OR9Q1: variants seen among roughly 807,000 people sequenced by gnomAD.
The protein encoded by OR9Q1 is olfactory receptor family 9 subfamily Q member 1, also known as olfactory receptor 9Q1.
For synonymous variants in OR9Q1, 153 were observed against 148.6 expected, an observed-to-expected ratio of 1.03 and a Z score of -0.22; for missense variants, 374 against 378.8, an observed-to-expected ratio of 0.99 and a Z score of 0.11.
chr11:58,060,568 T>A (rs1040529782), intron 2 of OR9Q1, among the ~76,000 whole-genome samples: 2 of 152,112 alleles, frequency 1.3e-5, no homozygotes, highest in African/African-American at 4.8e-5. Flanking sequence ...GGTGCCCATA[T>A]GATGTATTAA....
At chr11:58,141,230 C>G (rs1256514589) in intron 2 of OR9Q1, among the ~76,000 whole-genome samples, 1 of 152,084 alleles carries the variant, frequency 6.6e-6, no homozygotes, top group Non-Finnish European at 1.5e-5. Context: ...TGCCTAATTG[C>G]CCTGGCCAGA....
intron 2 of OR9Q1, among the ~76,000 whole-genome samples, chr11:58,072,198 A>T (rs1853494404): frequency 6.6e-6 from 1 of 152,222 alleles, no homozygotes; most frequent in South Asian, 2.1e-4. Context: ...CAACAAAAAC[A>T]TCTATAAAAC....
chr11:58,054,652 G>A (rs1739447944), intron 1 of OR9Q1, among the ~76,000 whole-genome samples: 1 of 152,196 alleles, frequency 6.6e-6, no homozygotes. Context: ...CATGCGTTGA[G>A]GCCAGGTGTG....
At chr11:58,089,051 T>A (rs977715476) in intron 2 of OR9Q1, among the ~76,000 whole-genome samples, 6 of 151,660 alleles carry the variant, frequency 4.0e-5, no homozygotes, top group Non-Finnish European at 8.8e-5. Flanking sequence ...TAATTTTTTT[T>A]ATTTTTAGTA....
In OR9Q1 at chr11:58,180,053, C is replaced by A. The variant is rs1854648139; in HGVS notation, c.609C>A (p.Ala203=). 1 of 1,614,052 alleles carries A rather than the reference C, an allele frequency of 6.2e-7. No individual in the cohort carries two copies. Among genetic ancestry groups the A allele is most frequent in the African/African-American group, 1.3e-5 (1 of 74,920 alleles). ...YTQEVLIIMF[A]IFVIPASMVV... The stretch of plus-strand genomic sequence containing the variant: ...AAGAAGTGCTGATTATTATGTTTGC[C>A]ATTTTTGTCATCCCTGCTTCCATGG... Residue 203 remains alanine (A), a synonymous_variant, in exon 3 of 3, where the codon GCC becomes GCA. Coordinates refer to ENST00000335397, the MANE Select transcript of OR9Q1 (RefSeq NM_001005212.4).
At chr11:58,108,164 A>G (rs142579621) in intron 2 of OR9Q1, among the ~76,000 whole-genome samples, 1 of 152,304 alleles carries the variant, frequency 6.6e-6, no homozygotes, top group Non-Finnish European at 1.5e-5. Flanking sequence ...CCCTTTCCCT[A>G]TCTATTCTAA....
chr11:58,037,912 T>A (rs1465276763), intron 1 of OR9Q1, among the ~76,000 whole-genome samples: 1 of 145,500 alleles, frequency 6.9e-6, no homozygotes, highest in Non-Finnish European at 1.5e-5. Context: ...TTTTTTTTTT[T>A]AGTAGAGACG....
chr11:58,108,829 T>G, intron 2 of OR9Q1: 1 of 346,056 alleles, frequency 2.9e-6, no homozygotes, highest in South Asian at 2.3e-5. Flanking sequence ...GATTACAGTG[T>G]AAAAGACAGA....
chr11:58,120,549 C>G (rs911283392), intron 2 of OR9Q1, among the ~76,000 whole-genome samples: 1 of 151,500 alleles, frequency 6.6e-6, no homozygotes, highest in African/African-American at 2.4e-5. Flanking sequence ...TTTGGTATAT[C>G]CATCACCCGA....
chr11:58,110,178 A>G (rs1853885586), intron 2 of OR9Q1, among the ~76,000 whole-genome samples: 1 of 152,108 alleles, frequency 6.6e-6, no homozygotes, highest in African/African-American at 2.4e-5. Flanking sequence ...TGGAAAATCT[A>G]CTTGTTGAGT....
At chr11:58,167,330 A>T (rs962151874) in intron 2 of OR9Q1, among the ~76,000 whole-genome samples, 4 of 152,188 alleles carry the variant, frequency 2.6e-5, no homozygotes, top group Non-Finnish European at 5.9e-5. Context: ...TTTTAACTCT[A>T]AAGTATTATT....
chr11:58,024,828 G>A (rs2514183), intron 1 of OR9Q1, among the ~76,000 whole-genome samples: 27,153 of 152,112 alleles, frequency 0.18, 2,549 homozygotes, highest in South Asian at 0.23. Context: ...CAGCCTTGGC[G>A]GGGCTCCGAG....
chr11:58,106,280 T>C (rs1853839447), intron 2 of OR9Q1, among the ~76,000 whole-genome samples: 2 of 152,158 alleles, frequency 1.3e-5, no homozygotes, highest in South Asian at 4.1e-4. Flanking sequence ...ACCTGTTGGC[T>C]GTTTGTAGGT....
chr11:58,126,814 T>C (rs1303727849), intron 2 of OR9Q1, among the ~76,000 whole-genome samples: 1 of 152,154 alleles, frequency 6.6e-6, no homozygotes, highest in Non-Finnish European at 1.5e-5. Flanking sequence ...AATATTCCAT[T>C]CAACATCCCC....
intron 1 of OR9Q1, among the ~76,000 whole-genome samples, chr11:58,046,593 G>GAGATTCCA (rs1565059318): frequency 6.6e-6 from 1 of 152,166 alleles, no homozygotes; most frequent in African/African-American, 2.4e-5. Context: ...TGATCGTGGT[G>GAGATTCCA]GCTCACACCT....
At chr11:58,068,033 G>A (rs1853446472) in intron 2 of OR9Q1, among the ~76,000 whole-genome samples, 1 of 152,034 alleles carries the variant, frequency 6.6e-6, no homozygotes. Flanking sequence ...CCTGCCATGA[G>A]CTCCAATAAA....
intron 2 of OR9Q1, among the ~76,000 whole-genome samples, chr11:58,115,655 G>A (rs1258454620): frequency 2.0e-5 from 3 of 152,158 alleles, no homozygotes; most frequent in African/African-American, 7.2e-5. Context: ...AGAGGTGTGT[G>A]CCACTGTCTG....
At chr11:58,128,678 A>G (rs1030034379) in intron 2 of OR9Q1, among the ~76,000 whole-genome samples, 1 of 152,214 alleles carries the variant, frequency 6.6e-6, no homozygotes, top group Non-Finnish European at 1.5e-5. Flanking sequence ...AACAAGATGA[A>G]TGGATAAAGA....
Position 58,098,458 on chromosome 11 carries a change from G to T in OR9Q1, c.-15+42511G>T, listed in dbSNP as rs565038739. On this transcript the variant is annotated intron_variant, in intron 2 of 2. Coordinates refer to ENST00000335397, the MANE Select transcript of OR9Q1 (RefSeq NM_001005212.4). ...ATGCCCTTTTTCATTTACATTATTG[G>T]TAGTTATGCCTTTTACTAATCTTTT... Among the ~76,000 whole-genome samples, 14 of 116,098 alleles carry T rather than the reference G, an allele frequency of 1.2e-4. No individual in the cohort carries two copies. The East Asian group carries it at 2.3e-3, about 19-fold the overall frequency. 76.2% of individuals were successfully genotyped at this position (116,098 alleles called of 152,430 possible).
Sources: allele counts gnomAD v4.1 joint callset (sites outside exome capture counted in the v4.1 genomes callset), GRCh38; gene constraint gnomAD v4.1.1; transcripts MANE v1.5; gene names NCBI Gene and HGNC (gene_info 2026-07-23, HGNC 2026-07-21).